Variants in CACUL1 observed in about 807,000 individuals in gnomAD.
CACUL1 encodes the protein CDK2 associated cullin domain 1.
In CACUL1, 13 loss-of-function variants were observed where a neutral mutation model predicts 45.2. The observed-to-expected ratio is 0.29, with a 90% CI of 0.19 to 0.46. CACUL1 has a LOEUF of 0.46. CACUL1 is among the 20% of genes least tolerant of loss of function. CACUL1 has a pLI of 1.00. For synonymous variants in CACUL1, 197 were observed against 174.2 expected (o/e 1.13, Z -1.03); for missense variants, 421 against 471.4 (o/e 0.89, Z 0.99).
At chr10:118,740,123 G>A (rs1353888598) in intron 1 of CACUL1, among the ~76,000 whole-genome samples, 1 of 152,112 alleles carries the variant, frequency 6.6e-6, no homozygotes. Flanking sequence ...CTCCAGCCTG[G>A]GCGACAGAGC....
intron 3 of CACUL1, among the ~76,000 whole-genome samples, chr10:118,716,060 G>A (rs544480675): frequency 2.0e-5 from 3 of 152,098 alleles, no homozygotes; most frequent in African/African-American, 4.8e-5. Context: ...GTGAAACCCC[G>A]TCTCTACTAA....
At chr10:118,713,338 G>C (rs1050871760) in intron 3 of CACUL1, among the ~76,000 whole-genome samples, 2 of 152,218 alleles carry the variant, frequency 1.3e-5, no homozygotes, top group Non-Finnish European at 2.9e-5. Context: ...AGGGATGCCT[G>C]AGTCCACAGC....
intron 3 of CACUL1, among the ~76,000 whole-genome samples, chr10:118,718,319 T>C (rs1179399136): frequency 1.3e-5 from 2 of 151,996 alleles, no homozygotes; most frequent in Non-Finnish European, 2.9e-5. Context: ...TGCCACAGGG[T>C]GTGTGGGGGG....
At chr10:118,706,259 C>A (rs916979799) in intron 4 of CACUL1, among the ~76,000 whole-genome samples, 1 of 152,208 alleles carries the variant, frequency 6.6e-6, no homozygotes, top group African/African-American at 2.4e-5. Context: ...GGCAGACATG[C>A]AAGTCAAGAA....
At chr10:118,720,981 A>T (rs1034169793) in intron 3 of CACUL1, among the ~76,000 whole-genome samples, 4 of 152,250 alleles carry the variant, frequency 2.6e-5, no homozygotes, top group Admixed American at 1.3e-4. Flanking sequence ...AGGGCTATTT[A>T]CCAGTTGCAA....
At chr10:118,709,144 G>A (rs756814262) in intron 3 of CACUL1, among the ~76,000 whole-genome samples, 3 of 152,066 alleles carry the variant, frequency 2.0e-5, no homozygotes, top group Admixed American at 6.5e-5. Context: ...AAATCATCAA[G>A]AAGAAAAAAT....
chr10:118,720,044 T>C (rs1845586170), intron 3 of CACUL1, among the ~76,000 whole-genome samples: 1 of 152,218 alleles, frequency 6.6e-6, no homozygotes, highest in Admixed American at 6.5e-5. Context: ...CAATTGAGTC[T>C]TAGATAGAAG....
chr10:118,754,460 G>A lies in CACUL1; in HGVS notation c.303C>T (p.Ala101=), dbSNP rs1309189642. 6.2e-7 allele frequency: 1 copy of A among 1,602,532 alleles called. No individual in the cohort carries two copies. Among genetic ancestry groups the A allele is most frequent in the Non-Finnish European group, 8.5e-7 (1 of 1,175,334 alleles). The part of the protein sequence containing the change: ...LKSCDAAAAV[A]KAAPAPTASS... ...TGGCGGTGGGGGCGGGGGCCGCCTT[G>A]GCCACGGCGGCGGCCGCGTCGCAGC... Residue 101 remains alanine (A), a synonymous_variant, in exon 1 of 9, where the codon GCC becomes GCT. Coordinates refer to ENST00000369151, the MANE Select transcript of CACUL1 (RefSeq NM_153810.5).
chr10:118,748,401 T>C (rs192561196), intron 1 of CACUL1, among the ~76,000 whole-genome samples: 91 of 152,296 alleles, frequency 6.0e-4, no homozygotes, highest in African/African-American at 2.1e-3. Flanking sequence ...AGAGCATCCA[T>C]CTTGGTCATA....
chr10:118,738,892 TAA>T (rs150393133), intron 1 of CACUL1, among the ~76,000 whole-genome samples: 2,075 of 62,152 alleles, frequency 0.033, 57 homozygotes, highest in African/African-American at 0.12. Flanking sequence ...CAAGTGCTCT[TAA>T]AAAAAAAAAA....
At chr10:118,709,320 T>G (rs1845463297) in intron 3 of CACUL1, among the ~76,000 whole-genome samples, 1 of 152,246 alleles carries the variant, frequency 6.6e-6, no homozygotes, top group Non-Finnish European at 1.5e-5. Flanking sequence ...TGTATTTTGT[T>G]GTGGCAGCCC....
At chr10:118,698,819 G>A (rs1845348913) in intron 5 of CACUL1, among the ~76,000 whole-genome samples, 1 of 152,118 alleles carries the variant, frequency 6.6e-6, no homozygotes, top group African/African-American at 2.4e-5. Context: ...GTTATACACC[G>A]ATAATAAATG....
At chr10:118,744,979 G>GT (rs1477773396) in intron 1 of CACUL1, among the ~76,000 whole-genome samples, 1 of 152,038 alleles carries the variant, frequency 6.6e-6, no homozygotes, top group Admixed American at 6.5e-5. Flanking sequence ...AAAAAGATAC[G>GT]TGACAGTTTT....
At chr10:118,691,881 A>AG (rs956007959) in intron 6 of CACUL1, among the ~76,000 whole-genome samples, 2 of 120,980 alleles carry the variant, frequency 1.7e-5, no homozygotes, top group Non-Finnish European at 4.0e-5. Context: ...AAAAAAAAAA[A>AG]AAAAAAAAAG....
At chr10:118,739,082 G>A (rs373801050) in intron 1 of CACUL1, among the ~76,000 whole-genome samples, 1 of 151,582 alleles carries the variant, frequency 6.6e-6, no homozygotes, top group Non-Finnish European at 1.5e-5. Flanking sequence ...TGTATTCCCA[G>A]CTACTCGGGA....
At chr10:118,746,975 G>GCCT (rs1471330631) in intron 1 of CACUL1, among the ~76,000 whole-genome samples, 1 of 152,172 alleles carries the variant, frequency 6.6e-6, no homozygotes, top group African/African-American at 2.4e-5. Context: ...GTGAGCTGTG[G>GCCT]GCCGGCGAGC....
In CACUL1 at chr10:118,680,870, A is replaced by G. The variant is rs892455703; in HGVS notation, c.*5258T>C. The stretch of plus-strand genomic sequence containing the variant: ...CAGTGTGGCTGTCATGTAGGAGGCA[A>G]TATTAATATGCTATAAGCAAAATCA... On this transcript the variant is annotated 3_prime_UTR_variant, in exon 9 of 9. Transcript: ENST00000369151. The G allele has an allele frequency of 6.6e-6, 1 of 152,224 alleles. No homozygotes were observed. Among genetic ancestry groups the G allele is most frequent in the Non-Finnish European group, 1.5e-5 (1 of 68,036 alleles). 9.4% of individuals were successfully genotyped at this position (152,224 alleles called of 1,614,324 possible).
At chr10:118,744,197 C>T (rs539528036) in intron 1 of CACUL1, among the ~76,000 whole-genome samples, 3 of 152,238 alleles carry the variant, frequency 2.0e-5, no homozygotes, top group East Asian at 3.9e-4. Context: ...ACCACCCTGG[C>T]CAACATGGCA....
At position 118,696,661 on chromosome 10, in the gene CACUL1, G is replaced by A. The variant is rs117416395; in HGVS notation, c.797-1431C>T. ...CTATCTAATAAAAAAAAAAGTTTAC[G>A]AATTTGTGTTGGGCAGCATTCAAAG... is the stretch of plus-strand genomic sequence containing the variant. On this transcript the variant is annotated intron_variant, in intron 5 of 8. Transcript: ENST00000369151. Among the ~76,000 whole-genome samples, 1,337 of 152,318 alleles carry A rather than the reference G, an allele frequency of 8.8e-3. 7 individuals are homozygous for A. The highest frequency in any genetic ancestry group is 0.013 in the Non-Finnish European group (857 of 68,022).
Sources: allele counts gnomAD v4.1 joint callset (sites outside exome capture counted in the v4.1 genomes callset), GRCh38; gene constraint gnomAD v4.1.1; transcripts MANE v1.5; gene names NCBI Gene and HGNC (gene_info 2026-07-23, HGNC 2026-07-21).